The following LIFR variants were observed in gnomAD, a reference collection of about 807,000 sequenced individuals.
The protein encoded by LIFR is leukemia inhibitory factor receptor.
Under a neutral mutation model 122.2 loss-of-function variants are expected in LIFR, and 84 were observed. The observed-to-expected ratio is 0.69, with a 90% CI of 0.58 to 0.82. The LOEUF is 0.82. Ranked by LOEUF, LIFR falls within the 40% of genes least tolerant of loss-of-function variation. The probability of loss-of-function intolerance (pLI) is 0.00; values close to 1 mark genes in which losing one functional copy is unlikely to be tolerated. For missense variants in LIFR, 1,294 were observed against 1,311.6 expected (o/e 0.99, Z 0.21); for synonymous variants, 422 against 434.7 (o/e 0.97, Z 0.36).
chr5:38,553,869 AT>A (rs1561203828), intron 1 of LIFR, among the ~76,000 whole-genome samples: 1 of 151,208 alleles, frequency 6.6e-6, no homozygotes, highest in Admixed American at 6.6e-5. Context: ...CGAGACCCCA[AT>A]TTTTTTGTTT....
At position 38,484,800 on chromosome 5, in the gene LIFR, T is replaced by C. The variant is rs1192018149; in HGVS notation, c.2566A>G (p.Ile856Val). 1 of 1,613,276 alleles carries C rather than the reference T, an allele frequency of 6.2e-7. No homozygotes were observed. The highest frequency in any genetic ancestry group is 1.7e-5 in the Admixed American group (1 of 60,018). Residue 856 changes from isoleucine to valine, a missense_variant, in exon 18 of 20, where the codon ATC becomes GTC. Ile to Val is a conservative substitution (Grantham distance 29). Coordinates refer to ENST00000453190, the MANE Select transcript of LIFR (RefSeq NM_001127671.2). ...VAVIVGVVTS[I>V]LCYRKREWIK... ...CATTCTCGTTTCCGATAGCAAAGGA[T>C]ACTTGTCACCACTCCAACAATGACA...
At chr5:38,564,469 A>G (rs1020153787) in intron 1 of LIFR, among the ~76,000 whole-genome samples, 1 of 151,814 alleles carries the variant, frequency 6.6e-6, no homozygotes. Flanking sequence ...CTCCCATCTC[A>G]GCCTCCCAAA....
At chr5:38,554,773 T>C (rs1748423728) in intron 1 of LIFR, among the ~76,000 whole-genome samples, 1 of 152,238 alleles carries the variant, frequency 6.6e-6, no homozygotes, top group African/African-American at 2.4e-5. Flanking sequence ...ATACTCCGTA[T>C]CTTTTATATC....
intron 7 of LIFR, among the ~76,000 whole-genome samples, chr5:38,509,666 C>T (rs552613787): frequency 3.4e-4 from 51 of 152,192 alleles, no homozygotes; most frequent in African/African-American, 1.1e-3. Flanking sequence ...GACCAAAATC[C>T]CAGACTTCTA....
chr5:38,490,334 TATGA>T lies in LIFR; in HGVS notation c.2066-47_2066-44del. 4 of 822,976 alleles carry T rather than the reference TATGA, an allele frequency of 4.9e-6. 1 individual carries two copies. Among genetic ancestry groups the T allele is most frequent in the Admixed American group, 3.8e-5 (2 of 52,328 alleles). 51.0% of individuals were successfully genotyped at this position (822,976 alleles called of 1,614,324 possible). ...CAGCAAACTTTCATAAATATATTAC[TATGA>T]ATATCTATTTTAGAAACATCAAGTT... is the stretch of plus-strand genomic sequence containing the variant. On this transcript the variant is annotated intron_variant, in intron 14 of 19. Transcript: ENST00000453190.
Position 38,523,582 on chromosome 5 carries a change from GCT to G in LIFR, c.398-2_398-1del. The G allele has an allele frequency of 1.9e-6, 3 of 1,610,644 alleles. No homozygotes were observed. The highest frequency in any genetic ancestry group is 2.5e-6 in the Non-Finnish European group (3 of 1,177,080). ...GATCTCTGGAGTATCTGGAATTAAG[GCT>G]TTAAAAAGAGGAAACAAAAGAGAAA... On this transcript the variant is annotated splice_acceptor_variant, in intron 4 of 19. Transcript: ENST00000453190. LOFTEE classifies it high-confidence loss of function.
In LIFR at chr5:38,505,516, A is replaced by G. The variant is rs114806548; in HGVS notation, c.1291+389T>C. 5.9e-3 allele frequency among the ~76,000 whole-genome samples: 900 copies of G among 152,156 alleles called. 12 individuals carry two copies. The highest frequency in any genetic ancestry group is 0.02 in the African/African-American group (847 of 41,506). ...AGTTAACAGTGTTTTAAGAGTGTCAATTCCCTGGTTCTGATATTGTACTAG... is the reference window on the plus strand; with the variant it reads ...AGTTAACAGTGTTTTAAGAGTGTCAGTTCCCTGGTTCTGATATTGTACTAG... On this transcript the variant is annotated intron_variant, in intron 9 of 19. Transcript: ENST00000453190.
At chr5:38,485,594 C>A in intron 17 of LIFR, 1 of 586,688 alleles carries the variant, frequency 1.7e-6, no homozygotes, top group Admixed American at 3.0e-5. Flanking sequence ...ATCCCAAATT[C>A]ATTAATTTCT....
intron 13 of LIFR, among the ~76,000 whole-genome samples, chr5:38,495,576 CTG>C (rs949176782): frequency 3.3e-5 from 5 of 152,262 alleles, no homozygotes; most frequent in African/African-American, 4.8e-5. Context: ...CAGCCTCAAA[CTG>C]GAGTTGGAAA....
At chr5:38,533,236 A>T (rs1177696404) in intron 1 of LIFR, among the ~76,000 whole-genome samples, 1 of 152,228 alleles carries the variant, frequency 6.6e-6, no homozygotes, top group Admixed American at 6.5e-5. Flanking sequence ...TTTGTTTCCT[A>T]TACTAATTAT....
intron 6 of LIFR, 93 bp from the exon 7 acceptor site, chr5:38,510,811 T>A: frequency 9.4e-7 from 1 of 1,061,878 alleles, no homozygotes; most frequent in Non-Finnish European, 1.4e-6. Context: ...ATAAGATGAC[T>A]TTTAAAATAG....
At chr5:38,517,955 A>C (rs546205001) in intron 5 of LIFR, among the ~76,000 whole-genome samples, 10 of 134,520 alleles carry the variant, frequency 7.4e-5, no homozygotes, top group Admixed American at 2.2e-4. Flanking sequence ...AAAAAAAAAA[A>C]CAAACAAAAA....
At position 38,489,300 on chromosome 5, in the gene LIFR, C is replaced by T. The variant is rs111933088; in HGVS notation, c.2168-55G>A. 58 of 1,324,528 alleles carry T rather than the reference C, an allele frequency of 4.4e-5. 1 individual carries two copies. In the African/African-American group the frequency reaches 5.2e-4, roughly 12 times the overall value. The allele number at this position is 1,324,528 out of a possible 1,614,324, so 82.0% of individuals were successfully genotyped here. On this transcript the variant is annotated intron_variant, in intron 15 of 19. Coordinates refer to ENST00000453190, the MANE Select transcript of LIFR (RefSeq NM_001127671.2). ...GGGAGTGTATGAATACAGAGTAATA[C>T]AGTAATGTTTCCTGAGCTTTCTAGC...
intron 1 of LIFR, among the ~76,000 whole-genome samples, chr5:38,581,409 C>G (rs1580226160): frequency 1.3e-5 from 2 of 152,204 alleles, no homozygotes; most frequent in East Asian, 3.8e-4. Context: ...ATCTGAACTT[C>G]TCACCATTCC....
chr5:38,506,135 G>A (rs577248082), intron 8 of LIFR, 61 bp from the exon 9 acceptor site: 62 of 1,113,476 alleles, frequency 5.6e-5, no homozygotes, highest in African/African-American at 2.7e-4. Context: ...AGGAAAAAAC[G>A]GGCAAATTCG....
At chr5:38,504,216 G>T in intron 9 of LIFR, 95 bp from the exon 10 acceptor site, 1 of 881,962 alleles carries the variant, frequency 1.1e-6, no homozygotes, top group Non-Finnish European at 1.9e-6. Flanking sequence ...AAACAACGAG[G>T]CATCATTAGT....
At chr5:38,558,239 G>A (rs770026604), upstream of LIFR, 1 of 152,086 alleles carries the variant, frequency 6.6e-6, no homozygotes, top group Non-Finnish European at 1.5e-5. Context: ...GGGGCTCAAC[G>A]AAGGCAAAAA....
intron 11 of LIFR, among the ~76,000 whole-genome samples, chr5:38,501,356 T>C (rs905333312): frequency 6.6e-6 from 1 of 152,232 alleles, no homozygotes. Context: ...GATTAACATC[T>C]ATCATTTATT....
chr5:38,479,634 C>T lies in LIFR; in HGVS notation c.*1961G>A, dbSNP rs571151710. ...ATCCTTGTCCTGGAGAGATAAAGTA[C>T]GGGATTGATACATTTCAACAGGGAA... On this transcript the variant is annotated 3_prime_UTR_variant, in exon 20 of 20. Transcript: ENST00000453190. 2.2e-5 allele frequency: 5 copies of T among 229,438 alleles called. No homozygotes were observed. The highest frequency in any genetic ancestry group is 1.2e-4 in the East Asian group (2 of 16,156). The allele number at this position is 229,438 out of a possible 1,614,324, so 14.2% of individuals were successfully genotyped here. A position where few individuals can be genotyped will look rare whatever the true frequency, so the allele number is the denominator to read the frequency against.
Sources: gnomAD v4.1 joint callset for allele counts (sites outside exome capture counted in the v4.1 genomes callset) on GRCh38, gnomAD v4.1.1 for gene constraint, MANE v1.5 for transcripts, NCBI Gene and HGNC (gene_info 2026-07-23, HGNC 2026-07-21) for gene names.